KAZN: variants seen among roughly 807,000 people sequenced by gnomAD.
KAZN encodes the protein kazrin.
Under a neutral mutation model 87.4 loss-of-function variants are expected in KAZN, and 40 were observed. The observed-to-expected ratio is 0.46, with a 90% CI of 0.36 to 0.60. The LOEUF (loss-of-function observed/expected upper bound fraction) is 0.60. KAZN is among the 20% of genes least tolerant of loss of function. The pLI, the probability that KAZN is intolerant of heterozygous loss-of-function variation, is 0.00. For synonymous variants in KAZN, 466 were observed against 458.3 expected, an observed-to-expected ratio of 1.02 and a Z score of -0.22; for missense variants, 898 against 1,073.9, an observed-to-expected ratio of 0.84 and a Z score of 2.29.
intron 2 of KAZN, among the ~76,000 whole-genome samples, chr1:14,473,925 T>A (rs1288008643): frequency 6.6e-6 from 1 of 152,220 alleles, no homozygotes. Context: ...AGGCTTTCCT[T>A]GATCAGGTGA....
intron 2 of KAZN, among the ~76,000 whole-genome samples, chr1:14,197,732 A>G (rs955441611): frequency 4.6e-5 from 7 of 152,284 alleles, no homozygotes; most frequent in Admixed American, 1.3e-4. Flanking sequence ...CACCACTACC[A>G]GAACCTTATT....
chr1:14,640,278 GCT>G (rs1680320182), intron 1 of KAZN, among the ~76,000 whole-genome samples: 1 of 152,172 alleles, frequency 6.6e-6, no homozygotes, highest in African/African-American at 2.4e-5. Flanking sequence ...GCTGGAATAT[GCT>G]CTGATACTAT....
At chr1:14,808,549 C>T (rs187195099) in intron 1 of KAZN, among the ~76,000 whole-genome samples, 29 of 151,894 alleles carry the variant, frequency 1.9e-4, no homozygotes, top group African/African-American at 6.5e-4. Flanking sequence ...CCACCCACCT[C>T]AGCCTCCTAA....
At chr1:14,484,633 A>C (rs1324945506) in intron 2 of KAZN, among the ~76,000 whole-genome samples, 4 of 152,226 alleles carry the variant, frequency 2.6e-5, no homozygotes, top group African/African-American at 9.6e-5. Context: ...GTTTTTGTTC[A>C]GGGTCTGCAG....
At chr1:14,051,999 T>A (rs1642359292) in intron 1 of KAZN, among the ~76,000 whole-genome samples, 1 of 152,230 alleles carries the variant, frequency 6.6e-6, no homozygotes. Flanking sequence ...AGGCTAAACT[T>A]TGGGTATGGC....
At chr1:14,119,962 T>C (rs1203294289) in intron 1 of KAZN, among the ~76,000 whole-genome samples, 1 of 129,864 alleles carries the variant, frequency 7.7e-6, no homozygotes, top group African/African-American at 3.0e-5. Flanking sequence ...ATTTCAGATA[T>C]GAGGAAACTG....
At chr1:14,359,632 T>G (rs190989293) in intron 2 of KAZN, among the ~76,000 whole-genome samples, 4 of 152,322 alleles carry the variant, frequency 2.6e-5, no homozygotes, top group African/African-American at 9.6e-5. Context: ...GCAGGCCTAG[T>G]GGTGACAAAA....
At chr1:14,104,400 G>A (rs567396406) in intron 1 of KAZN, among the ~76,000 whole-genome samples, 1 of 152,290 alleles carries the variant, frequency 6.6e-6, no homozygotes, top group African/African-American at 2.4e-5. Flanking sequence ...TCACACAAGT[G>A]GATGTGGTGA....
At chr1:14,919,840 T>C (rs1054260145) in intron 1 of KAZN, among the ~76,000 whole-genome samples, 7 of 152,210 alleles carry the variant, frequency 4.6e-5, no homozygotes, top group Non-Finnish European at 1.0e-4. Context: ...TACAATTATC[T>C]ACAGTATTCA....
intron 1 of KAZN, among the ~76,000 whole-genome samples, chr1:14,175,334 A>G (rs563319521): frequency 2.0e-5 from 3 of 152,202 alleles, no homozygotes; most frequent in Admixed American, 2.0e-4. Context: ...TGATCTCCTG[A>G]TCTCGTGATC....
At chr1:15,003,706 G>A (rs1168358890) in intron 2 of KAZN, among the ~76,000 whole-genome samples, 4 of 152,048 alleles carry the variant, frequency 2.6e-5, no homozygotes, top group Admixed American at 6.6e-5. Context: ...CATTGCCTTC[G>A]GGTCATCAGC....
chr1:14,528,586 C>G (rs1238592274), intron 2 of KAZN, among the ~76,000 whole-genome samples: 3 of 151,014 alleles, frequency 2.0e-5, no homozygotes, highest in South Asian at 4.2e-4. Flanking sequence ...GAGTTCAAGA[C>G]CAGCCTGGCA....
intron 1 of KAZN, among the ~76,000 whole-genome samples, chr1:14,108,599 A>C (rs535512277): frequency 6.6e-6 from 1 of 152,276 alleles, no homozygotes; most frequent in African/African-American, 2.4e-5. Flanking sequence ...AATGATGGTC[A>C]TTCCACTTTC....
intron 1 of KAZN, among the ~76,000 whole-genome samples, chr1:14,028,891 G>T (rs891015989): frequency 6.6e-6 from 1 of 152,100 alleles, no homozygotes; most frequent in East Asian, 1.9e-4. Flanking sequence ...CATTTGGGTT[G>T]GTTCCAAGTC....
intron 2 of KAZN, among the ~76,000 whole-genome samples, chr1:14,471,163 A>T (rs577639510): frequency 6.6e-6 from 1 of 152,328 alleles, no homozygotes; most frequent in Admixed American, 6.5e-5. Context: ...AGAAACTGAG[A>T]AATCATAAAT....
At chr1:15,055,492 G>C (rs1244580788) in intron 4 of KAZN, among the ~76,000 whole-genome samples, 1 of 151,984 alleles carries the variant, frequency 6.6e-6, no homozygotes, top group Non-Finnish European at 1.5e-5. Context: ...AAAAAAAGGA[G>C]TGTTCTTGGA....
At chr1:14,548,082 T>C (rs886251696) in intron 2 of KAZN, among the ~76,000 whole-genome samples, 1 of 151,340 alleles carries the variant, frequency 6.6e-6, no homozygotes, top group Non-Finnish European at 1.5e-5. Context: ...GATTTCATAA[T>C]GTTTTAAGAA....
At chr1:14,808,290 C>CTTTTTTT (rs57548450) in intron 1 of KAZN, among the ~76,000 whole-genome samples, 13 of 88,090 alleles carry the variant, frequency 1.5e-4, no homozygotes, top group African/African-American at 3.5e-4. Context: ...AAAGAGGTTT[C>CTTTTTTT]TTTTTTTTTT....
At chr1:15,064,606 G>A (rs1639071979) in intron 7 of KAZN, among the ~76,000 whole-genome samples, 1 of 152,236 alleles carries the variant, frequency 6.6e-6, no homozygotes, top group African/African-American at 2.4e-5. Flanking sequence ...TCTCAGAGCA[G>A]CTCAGGTGCT....
Sources: allele counts gnomAD v4.1 joint callset (sites outside exome capture counted in the v4.1 genomes callset), GRCh38; gene constraint gnomAD v4.1.1; transcripts MANE v1.5; gene names NCBI Gene and HGNC (gene_info 2026-07-23, HGNC 2026-07-21).